C11orf65: variants seen among roughly 807,000 people sequenced by gnomAD.
The protein encoded by C11orf65 is protein MFI.
In C11orf65, 38 loss-of-function variants were observed where a neutral mutation model predicts 35.3. The ratio of observed to expected loss-of-function variants is 1.08; its 90% CI spans 0.83 to 1.41. The LOEUF is 1.41. C11orf65 is among the 40% of genes most tolerant of loss of function. The probability of loss-of-function intolerance (pLI) is 0.00; values close to 1 mark genes in which losing one functional copy is unlikely to be tolerated. For missense variants in C11orf65, 370 were observed against 367.1 expected (o/e 1.01, Z -0.06); for synonymous variants, 105 against 114.4 (o/e 0.92, Z 0.53).
At chr11:108,386,108 C>A in intron 7 of C11orf65, 133 bp from the exon 8 acceptor site, 1 of 736,426 alleles carries the variant, frequency 1.4e-6, no homozygotes, top group South Asian at 1.7e-5. Context: ...GTGTAACTCT[C>A]AAGACTTTCT....
At chr11:108,309,992 G>A (rs1217648591) in intron 6 of C11orf65, among the ~76,000 whole-genome samples, 1 of 152,114 alleles carries the variant, frequency 6.6e-6, no homozygotes, top group Non-Finnish European at 1.5e-5. Flanking sequence ...GGACTCTTCA[G>A]CCATGTTATC....
rs141095782 is a variant in C11orf65, at chr11:108,457,539, G to T, written c.81+3940C>A. ...GGCGCCTGTAATCCCAGGTACTCGG[G>T]AGGCTGAGGCAGAGAACTGATTGAA... On this transcript the variant is annotated intron_variant, in intron 2 of 8. Coordinates refer to ENST00000393084, the MANE Select transcript of C11orf65 (RefSeq NM_152587.5). 3.5e-3 allele frequency among the ~76,000 whole-genome samples: 535 copies of T among 152,162 alleles called. 1 individual carries two copies. The highest frequency in any genetic ancestry group is 6.1e-3 in the Non-Finnish European group (413 of 67,996).
At chr11:108,378,404 G>A (rs1188572551), downstream of C11orf65, among the ~76,000 whole-genome samples, 1 of 141,532 alleles carries the variant, frequency 7.1e-6, no homozygotes, top group African/African-American at 2.7e-5. Flanking sequence ...TTAATAAATG[G>A]TGCTGGGAAA....
intron 7 of C11orf65, among the ~76,000 whole-genome samples, chr11:108,389,117 A>C (rs2092086657): frequency 6.6e-6 from 1 of 152,278 alleles, no homozygotes; most frequent in Non-Finnish European, 1.5e-5. Context: ...AAATGTCCAT[A>C]GACGTTGAAG....
rs730881276 is a variant in C11orf65, at chr11:108,331,872, C to T, written c.300-305G>A. ...TTTGCATAAATCTAATAGTTCTTTT[C>T]TTACAGCTAATCTCTAGAATTTCAA... On this transcript the variant is annotated intron_variant, in intron 3 of 3. Coordinates refer to the C11orf65 transcript ENST00000524755. 1.9e-6 allele frequency: 3 copies of T among 1,612,904 alleles called. No homozygotes were observed. Among genetic ancestry groups the T allele is most frequent in the African/African-American group, 1.3e-5 (1 of 74,974 alleles).
intron 2 of C11orf65, chr11:108,365,592 G>A: frequency 2.0e-6 from 3 of 1,469,090 alleles, no homozygotes; most frequent in South Asian, 2.5e-5. Context: ...CATACTTTAA[G>A]TAGGGATTAA....
chr11:108,423,222 A>G (rs1328502709), intron 3 of C11orf65, among the ~76,000 whole-genome samples: 2 of 152,140 alleles, frequency 1.3e-5, no homozygotes, highest in African/African-American at 4.8e-5. Flanking sequence ...CTGGAATGCC[A>G]GCGAGACAGA....
At chr11:108,339,972 G>A (rs775882424) in intron 2 of C11orf65, among the ~76,000 whole-genome samples, 5 of 152,104 alleles carry the variant, frequency 3.3e-5, no homozygotes, top group African/African-American at 9.7e-5. Flanking sequence ...ATATACCTAC[G>A]TTGGGTTAGA....
intron 2 of C11orf65, among the ~76,000 whole-genome samples, chr11:108,340,685 T>G (rs227070): frequency 0.62 from 94,355 of 152,006 alleles, 29,588 homozygotes; most frequent in Middle Eastern, 0.77. Context: ...CCTTTTAAAA[T>G]TGTCTAAGAC....
chr11:108,448,326 A>C (rs945871582), intron 2 of C11orf65, among the ~76,000 whole-genome samples: 3 of 152,178 alleles, frequency 2.0e-5, no homozygotes, highest in African/African-American at 4.8e-5. Flanking sequence ...GCAGAGACAC[A>C]ACCGAAAAAG....
At chr11:108,394,577 G>C (rs762910239) in intron 6 of C11orf65, among the ~76,000 whole-genome samples, 25 of 152,162 alleles carry the variant, frequency 1.6e-4, no homozygotes, top group Non-Finnish European at 2.9e-4. Context: ...TAACTAGAGA[G>C]AAGTTAGTAG....
In C11orf65 at chr11:108,431,829, T is replaced by A; in HGVS notation, c.91A>T (p.Ile31Leu). 1 of 1,496,308 alleles carries A rather than the reference T, an allele frequency of 6.7e-7. No individual in the cohort carries two copies. Among genetic ancestry groups the A allele is most frequent in the Non-Finnish European group, 9.1e-7 (1 of 1,103,670 alleles). The allele number at this position is 1,496,308 out of a possible 1,614,324, so 92.7% of individuals were successfully genotyped here. A position where few individuals can be genotyped will look rare whatever the true frequency, so the allele number is the denominator to read the frequency against. Residue 31 changes from isoleucine to leucine, a missense_variant, in exon 3 of 9, where the codon ATA (isoleucine) becomes TTA (leucine). Physicochemically the swap from Ile to Leu is conservative, Grantham distance 5. Transcript: ENST00000393084. ...QAWKSFLNVA[I>L]FQHFKSLIDL... ...ATCAGACTTTTAAAGTGTTGAAATA[T>A]AGCGACATTCTAAAGGTTCAAACAC...
chr11:108,350,353 C>G (rs1269454376), intron 2 of C11orf65, among the ~76,000 whole-genome samples: 1 of 152,036 alleles, frequency 6.6e-6, no homozygotes, highest in African/African-American at 2.4e-5. Flanking sequence ...AAGAAGAGGG[C>G]TAATAAACTA....
chr11:108,345,951 T>C, intron 2 of C11orf65: 2 of 1,609,400 alleles, frequency 1.2e-6, no homozygotes, highest in Admixed American at 1.7e-5. Context: ...CTTTGTTGTT[T>C]GGCAGGTTTT....
At chr11:108,347,619 C>A (rs1018611383) in intron 2 of C11orf65, among the ~76,000 whole-genome samples, 1 of 152,038 alleles carries the variant, frequency 6.6e-6, no homozygotes, top group Non-Finnish European at 1.5e-5. Flanking sequence ...ATAATTCAGA[C>A]AGAAGATAGA....
chr11:108,346,596 A>T (rs1228552015), intron 2 of C11orf65: 1 of 152,572 alleles, frequency 6.6e-6, no homozygotes, highest in Non-Finnish European at 1.5e-5. Context: ...TTCCCAGGTA[A>T]TTGTGAAACT....
At chr11:108,408,149 T>G (rs567799348) in intron 3 of C11orf65, among the ~76,000 whole-genome samples, 65 of 151,784 alleles carry the variant, frequency 4.3e-4, no homozygotes, top group African/African-American at 1.5e-3. Flanking sequence ...CTTATGGACA[T>G]CTATGGTAAA....
chr11:108,463,931 T>TC (rs2093501520), intron 1 of C11orf65, among the ~76,000 whole-genome samples: 1 of 150,940 alleles, frequency 6.6e-6, no homozygotes, highest in African/African-American at 2.4e-5. Context: ...TTAATTTTTT[T>TC]TTTTTTTTTT....
chr11:108,369,473 T>G, intron 2 of C11orf65, among the ~76,000 whole-genome samples: 1 of 152,222 alleles, frequency 6.6e-6, no homozygotes, highest in Non-Finnish European at 1.5e-5. Flanking sequence ...GTTTTTTACC[T>G]GTTTATCATA....
Sources: gnomAD v4.1 joint callset for allele counts (sites outside exome capture counted in the v4.1 genomes callset) on GRCh38, gnomAD v4.1.1 for gene constraint, MANE v1.5 for transcripts, NCBI Gene and HGNC (gene_info 2026-07-23, HGNC 2026-07-21) for gene names.